The following SNAI1 variants were observed in gnomAD, a reference collection of about 807,000 sequenced individuals.
SNAI1 encodes snail family transcriptional repressor 1.
A neutral mutation model predicts 24.7 loss-of-function variants in SNAI1; 15 were observed. That is an observed-to-expected ratio of 0.61 (90% confidence interval 0.41 to 0.93). SNAI1 has a LOEUF of 0.93. Among genes scored for constraint, SNAI1 ranks in the 40% least tolerant of loss-of-function variants. The probability of loss-of-function intolerance (pLI) is 0.00; values close to 1 mark genes in which losing one functional copy is unlikely to be tolerated. For synonymous variants in SNAI1, 163 were observed against 142.9 expected (o/e 1.14, Z -1.00); for missense variants, 283 against 336.7 (o/e 0.84, Z 1.25).
At position 49,988,608 on chromosome 20, in the gene SNAI1, G is replaced by A. The variant is rs2078342124; in HGVS notation, c.*552G>A. On this transcript the variant is annotated 3_prime_UTR_variant, in exon 3 of 3. Coordinates refer to ENST00000244050, the MANE Select transcript of SNAI1 (RefSeq NM_005985.4). ...CTATTTCAGCCTCCTGTTTGGTGGG[G>A]TGGCACCTGTTTCCCGGGCAATTTA... 1 of 152,790 alleles carries A rather than the reference G, an allele frequency of 6.5e-6. No individual in the cohort carries two copies. Among genetic ancestry groups the A allele is most frequent in the Non-Finnish European group, 1.5e-5 (1 of 68,284 alleles). 9.5% of individuals were successfully genotyped at this position (152,790 alleles called of 1,614,324 possible). A position where few individuals can be genotyped will look rare whatever the true frequency, so the allele number is the denominator to read the frequency against.
In SNAI1 at chr20:49,988,086, C is replaced by T. The variant is rs778678794; in HGVS notation, c.*30C>T. On this transcript the variant is annotated 3_prime_UTR_variant, in exon 3 of 3. Coordinates refer to ENST00000244050, the MANE Select transcript of SNAI1 (RefSeq NM_005985.4). ...CGAGGCTCCCTCTTCCTCTCCATAC[C>T]TGCCCCTGCCTGACAGCCTTCCCCA... 7 of 1,541,552 alleles carry T rather than the reference C, an allele frequency of 4.5e-6. No homozygotes were observed. The South Asian group carries it at 8.7e-5, about 19-fold the overall frequency.
At position 49,987,998 on chromosome 20, in the gene SNAI1, C is replaced by G. The variant is rs1342031448; in HGVS notation, c.737C>G (p.Ser246Cys). Residue 246 changes from serine to cysteine, a missense_variant, in exon 3 of 3, where the codon TCC (serine) becomes TGC (cysteine). Transcript: ENST00000244050. ...TGCCAGGCGTGTGCTCGGACCTTCTCCCGAATGTCCCTGCTCCACAAGCAC... is the reference window on the plus strand; with the variant it reads ...TGCCAGGCGTGTGCTCGGACCTTCTGCCGAATGTCCCTGCTCCACAAGCAC... ...YQCQACARTF[S>C]RMSLLHKHQE... 9 of 1,613,710 alleles carry G rather than the reference C, an allele frequency of 5.6e-6. No homozygotes were observed. Among genetic ancestry groups the G allele is most frequent in the Non-Finnish European group, 7.6e-6 (9 of 1,179,762 alleles).
chr20:49,984,411 G>A, intron 2 of SNAI1, 60 bp downstream of exon 2: 1 of 1,469,012 alleles, frequency 6.8e-7, no homozygotes. Context: ...GTGAATCTGG[G>A]CTTGCTGTTC....
chr20:49,983,786 G>T, intron 1 of SNAI1, 38 bp from the exon 2 acceptor site: 1 of 1,529,162 alleles, frequency 6.5e-7, no homozygotes, highest in Middle Eastern at 1.8e-4. Flanking sequence ...TTGAGTGAAT[G>T]ATTTAATTAA....
chr20:49,983,105 A>C lies in SNAI1; in HGVS notation c.46A>C (p.Lys16Gln), dbSNP rs750483946. 4.3e-6 allele frequency: 7 copies of C among 1,613,814 alleles called. No individual in the cohort carries two copies. Among genetic ancestry groups the C allele is most frequent in the East Asian group, 2.2e-5 (1 of 44,824 alleles). ...CAGGAAGCCCTCCGACCCCAATCGG[A>C]AGCCTAACTACAGCGAGCTGCAGGA... ...LVRKPSDPNR[K>Q]PNYSELQDSN... Residue 16 changes from lysine (K) to glutamine (Q), a missense_variant, in exon 1 of 3, where the codon AAG becomes CAG. By Grantham distance (53) the Lys-to-Gln change is moderately conservative (BLOSUM62 1). Coordinates refer to ENST00000244050, the MANE Select transcript of SNAI1 (RefSeq NM_005985.4).
At chr20:49,987,712 C>T (rs2078338334) in intron 2 of SNAI1, among the ~76,000 whole-genome samples, 160 bp from the exon 3 acceptor site, 1 of 152,182 alleles carries the variant, frequency 6.6e-6, no homozygotes, top group African/African-American at 2.4e-5. Flanking sequence ...AGAGCTCCGT[C>T]AGGTCCCGGC....
chr20:49,987,542 G>C (rs977896444), intron 2 of SNAI1, among the ~76,000 whole-genome samples: 1 of 152,150 alleles, frequency 6.6e-6, no homozygotes, highest in Non-Finnish European at 1.5e-5. Flanking sequence ...AGTCATTGTT[G>C]ACCACTTCGC....
In SNAI1 at chr20:49,983,949, C is replaced by G. The variant is rs556428881; in HGVS notation, c.208C>G (p.Gln70Glu). 1 of 1,613,510 alleles carries G rather than the reference C, an allele frequency of 6.2e-7. No homozygotes were observed. Among genetic ancestry groups the G allele is most frequent in the Non-Finnish European group, 8.5e-7 (1 of 1,179,952 alleles). Residue 70 changes from glutamine (Q) to glutamate (E), a missense_variant, in exon 2 of 3, where the codon CAG becomes GAG. Transcript: ENST00000244050. ...IWDSVLAPQA[Q>E]PIAWASLRLQ... ...GGACTCTGTCCTGGCGCCCCAAGCC[C>G]AGCCAATTGCCTGGGCCTCCCTTCG...
rs1199529111 is a variant in SNAI1, at chr20:49,983,831, C to T, written c.90C>T (p.Thr30=). 6.3e-7 allele frequency: 1 copy of T among 1,587,082 alleles called. No homozygotes were observed. The highest frequency in any genetic ancestry group is 8.6e-7 in the Non-Finnish European group (1 of 1,166,518). Residue 30 remains threonine, a synonymous_variant, in exon 2 of 3, where the codon ACC becomes ACT. Transcript: ENST00000244050. ...CTGCTTTTTCTCCCTCAGAGTTTACCTTCCAGCAGCCCTACGACCAGGCCC... is the reference window on the plus strand; with the variant it reads ...CTGCTTTTTCTCCCTCAGAGTTTACTTTCCAGCAGCCCTACGACCAGGCCC... ...SELQDSNPEF[T]FQQPYDQAHL...
chr20:49,983,367 G>A (rs1023837541), intron 1 of SNAI1, among the ~76,000 whole-genome samples: 1 of 150,592 alleles, frequency 6.6e-6, no homozygotes, highest in Admixed American at 6.6e-5. Context: ...AGCTTGGGGG[G>A]CCTTTGTAGC....
intron 1 of SNAI1, among the ~76,000 whole-genome samples, chr20:49,983,558 G>C (rs1600886791): frequency 6.6e-6 from 1 of 151,734 alleles, no homozygotes; most frequent in African/African-American, 2.4e-5. Flanking sequence ...GGGATGATGG[G>C]GTTCTGGCCT....
rs2078330606 is a variant in SNAI1 at position 49,985,363 on chromosome 20, T to C, written c.610+1012T>C. Among the ~76,000 whole-genome samples the C allele has an allele frequency of 3.3e-5, 5 of 152,226 alleles. No individual in the cohort carries two copies. The South Asian group carries it at 1.0e-3, about 32-fold the overall frequency. Reference sequence around the variant, plus strand: ...CTCTGAGCGGTGAGGGTTAGTGAGGTGTCTGGGAGGACTGGCAATTCGCGG... The same window carrying C: ...CTCTGAGCGGTGAGGGTTAGTGAGGCGTCTGGGAGGACTGGCAATTCGCGG... On this transcript the variant is annotated intron_variant, in intron 2 of 2. Coordinates refer to ENST00000244050, the MANE Select transcript of SNAI1 (RefSeq NM_005985.4).
At position 49,984,334 on chromosome 20, in the gene SNAI1, A is replaced by G; in HGVS notation, c.593A>G (p.His198Arg). 6.2e-7 allele frequency: 1 copy of G among 1,605,940 alleles called. No homozygotes were observed. The highest frequency in any genetic ancestry group is 8.5e-7 in the Non-Finnish European group (1 of 1,176,714). The change falls in exon 2 of 3, where the codon CAT becomes CGT. Residue 198 changes from histidine to arginine, a missense_variant. Physicochemically the swap from His to Arg is conservative, Grantham distance 29 (BLOSUM62 0). Transcript: ENST00000244050. Reference sequence around the variant, plus strand: ...TCTAGGCCCTGGCTGCTACAAGGCCATGTCCGGACCCACACTGGTACGTGC... The same window carrying G: ...TCTAGGCCCTGGCTGCTACAAGGCCGTGTCCGGACCCACACTGGTACGTGC... ...AFSRPWLLQG[H>R]VRTHTGEKPF...
chr20:49,984,271 C>G lies in SNAI1; in HGVS notation c.530C>G (p.Thr177Arg). Residue 177 changes from threonine (T) to arginine (R), a missense_variant, in exon 2 of 3, where the codon ACG becomes AGG. Transcript: ENST00000244050. The part of the protein sequence containing the change: ...GALKMHIRSH[T>R]LPCVCGTCGK... ...CTCAAGATGCACATCCGAAGCCACA[C>G]GCTGCCCTGCGTCTGCGGAACCTGC... 1 of 1,614,100 alleles carries G rather than the reference C, an allele frequency of 6.2e-7. No homozygotes were observed.
chr20:49,983,660 C>T (rs1457217649), intron 1 of SNAI1, among the ~76,000 whole-genome samples, 164 bp from the exon 2 acceptor site: 2 of 151,742 alleles, frequency 1.3e-5, no homozygotes, highest in African/African-American at 4.8e-5. Flanking sequence ...GATTGGGTGA[C>T]CTGGGCGAGG....
intron 2 of SNAI1, among the ~76,000 whole-genome samples, chr20:49,987,096 G>A (rs911784518): frequency 1.3e-5 from 2 of 152,196 alleles, no homozygotes; most frequent in Non-Finnish European, 2.9e-5. Flanking sequence ...GATAGAAAGG[G>A]GCCCAGGCCC....
At chr20:49,986,713 C>T (rs1429862900) in intron 2 of SNAI1, among the ~76,000 whole-genome samples, 1 of 152,164 alleles carries the variant, frequency 6.6e-6, no homozygotes, top group Non-Finnish European at 1.5e-5. Context: ...AATCCTGCCT[C>T]ACTCGGCCTC....
chr20:49,986,611 G>A (rs2078334773), intron 2 of SNAI1, among the ~76,000 whole-genome samples: 6 of 151,934 alleles, frequency 3.9e-5, no homozygotes, highest in Admixed American at 3.9e-4. Flanking sequence ...ATAGTGTCTA[G>A]CACTTAGTAG....
At chr20:49,985,227 G>A (rs1431545518) in intron 2 of SNAI1, among the ~76,000 whole-genome samples, 1 of 152,140 alleles carries the variant, frequency 6.6e-6, no homozygotes, top group Non-Finnish European at 1.5e-5. Flanking sequence ...GAACTTGAAT[G>A]GTGGCAGCCA....
Sources: allele counts gnomAD v4.1 joint callset (sites outside exome capture counted in the v4.1 genomes callset), GRCh38; gene constraint gnomAD v4.1.1; transcripts MANE v1.5; gene names NCBI Gene and HGNC (gene_info 2026-07-23, HGNC 2026-07-21).